SOAT1: variants seen among roughly 807,000 people sequenced by gnomAD.
The protein encoded by SOAT1 is sterol O-acyltransferase 1.
A neutral mutation model predicts 69.5 loss-of-function variants in SOAT1; 55 were observed. The ratio of observed to expected loss-of-function variants is 0.79; its 90% CI spans 0.64 to 0.99. The LOEUF (loss-of-function observed/expected upper bound fraction) is 0.99. Ranked by LOEUF, SOAT1 falls within the 50% of genes least tolerant of loss-of-function variation. The probability of loss-of-function intolerance (pLI) is 0.00; values close to 1 mark genes in which losing one functional copy is unlikely to be tolerated. For missense variants in SOAT1, 580 were observed against 669.3 expected (o/e 0.87, Z 1.47); for synonymous variants, 231 against 224.7 (o/e 1.03, Z -0.25).
chr1:179,301,373 C>A (rs569611747), intron 1 of SOAT1, among the ~76,000 whole-genome samples: 1 of 152,306 alleles, frequency 6.6e-6, no homozygotes, highest in South Asian at 2.1e-4. Context: ...TGACTCCTGT[C>A]CTCCTTTCTA....
At chr1:179,321,955 C>T (rs1379241999) in intron 2 of SOAT1, among the ~76,000 whole-genome samples, 1 of 151,662 alleles carries the variant, frequency 6.6e-6, no homozygotes, top group Non-Finnish European at 1.5e-5. Flanking sequence ...CGATCACGCT[C>T]ACTGCAGGCT....
intron 3 of SOAT1, among the ~76,000 whole-genome samples, chr1:179,327,345 T>A (rs1212906086): frequency 2.0e-5 from 3 of 152,234 alleles, no homozygotes; most frequent in Non-Finnish European, 4.4e-5. Context: ...CAGTCGTCAC[T>A]TCATCTTTCC....
chr1:179,356,658 T>G lies in SOAT1; in HGVS notation c.*3017T>G, dbSNP rs28429879. 6.6e-6 allele frequency: 1 copy of G among 151,738 alleles called. No homozygotes were observed. Among genetic ancestry groups the G allele is most frequent in the African/African-American group, 2.4e-5 (1 of 41,256 alleles). 9.4% of individuals were successfully genotyped at this position (151,738 alleles called of 1,614,324 possible). On this transcript the variant is annotated 3_prime_UTR_variant, in exon 16 of 16. Transcript: ENST00000367619. ...GTGTGAGCCACGGCTCCTGGCTCCT[T>G]GCTCCAGAATCAGTTTTTTAATGGA...
intron 1 of SOAT1, among the ~76,000 whole-genome samples, chr1:179,301,812 T>TA (rs1664839330): frequency 6.6e-6 from 1 of 152,206 alleles, no homozygotes; most frequent in South Asian, 2.1e-4. Context: ...ACGGGGCTTA[T>TA]AAGGTCCTTG....
chr1:179,323,576 G>A (rs1330212047), intron 3 of SOAT1, 81 bp downstream of exon 3: 1 of 1,130,876 alleles, frequency 8.8e-7, no homozygotes, highest in Non-Finnish European at 1.3e-6. Flanking sequence ...ATGCTAAATT[G>A]CTCAGATAAT....
At chr1:179,321,563 G>A (rs1665604226) in intron 2 of SOAT1, among the ~76,000 whole-genome samples, 1 of 152,172 alleles carries the variant, frequency 6.6e-6, no homozygotes, top group South Asian at 2.1e-4. Flanking sequence ...CAAGTCAGAA[G>A]TCTTTGTTGT....
At chr1:179,334,852 C>T (rs1001074654) in intron 3 of SOAT1, among the ~76,000 whole-genome samples, 8 of 151,482 alleles carry the variant, frequency 5.3e-5, no homozygotes, top group Non-Finnish European at 1.0e-4. Context: ...CCTGTCTCTA[C>T]GAAAAATACA....
At chr1:179,345,544 T>A (rs1222865254) in intron 11 of SOAT1, among the ~76,000 whole-genome samples, 8 of 151,986 alleles carry the variant, frequency 5.3e-5, no homozygotes, top group Admixed American at 5.3e-4. Flanking sequence ...CATTTTTAAA[T>A]CTCTCTTGTC....
intron 2 of SOAT1, among the ~76,000 whole-genome samples, chr1:179,318,403 C>CTTTTT (rs1665470577): frequency 6.6e-6 from 1 of 152,056 alleles, no homozygotes; most frequent in Non-Finnish European, 1.5e-5. Context: ...ACTGTCATAC[C>CTTTTT]TTTCAAATCC....
intron 11 of SOAT1, among the ~76,000 whole-genome samples, chr1:179,347,306 C>T (rs987847565): frequency 6.4e-5 from 9 of 140,442 alleles, no homozygotes; most frequent in Non-Finnish European, 1.0e-4. Context: ...TGCAGTGAGC[C>T]GAGATCGCGC....
intron 2 of SOAT1, among the ~76,000 whole-genome samples, chr1:179,310,818 G>T (rs1201285303): frequency 1.3e-5 from 2 of 152,178 alleles, no homozygotes; most frequent in African/African-American, 2.4e-5. Flanking sequence ...AGCTAATTCT[G>T]TTCTTGCCAC....
At chr1:179,350,477 A>G (rs1322209078) in intron 14 of SOAT1, 46 bp downstream of exon 14, 1 of 1,558,586 alleles carries the variant, frequency 6.4e-7, no homozygotes, top group Admixed American at 2.1e-5. Flanking sequence ...ATGCTAAAAA[A>G]GAAAACCAGA....
intron 2 of SOAT1, among the ~76,000 whole-genome samples, chr1:179,308,305 A>C (rs1164374645): frequency 6.6e-6 from 1 of 152,214 alleles, no homozygotes; most frequent in Non-Finnish European, 1.5e-5. Flanking sequence ...TTGCATATAC[A>C]GGCAGCCTAC....
At chr1:179,315,429 C>T (rs1283866472) in intron 2 of SOAT1, among the ~76,000 whole-genome samples, 1 of 151,628 alleles carries the variant, frequency 6.6e-6, no homozygotes, top group Non-Finnish European at 1.5e-5. Flanking sequence ...ATGCCATAGC[C>T]ACTGCCCCCT....
chr1:179,347,485 T>A, intron 11 of SOAT1, 115 bp from the exon 12 acceptor site: 1 of 621,818 alleles, frequency 1.6e-6, no homozygotes, highest in Admixed American at 3.1e-5. Flanking sequence ...TAAACTGGAA[T>A]AATAACTTAT....
At chr1:179,352,071 A>G (rs974760830) in intron 15 of SOAT1, among the ~76,000 whole-genome samples, 2 of 148,676 alleles carry the variant, frequency 1.3e-5, no homozygotes, top group African/African-American at 2.5e-5. Flanking sequence ...ACCACCTAAA[A>G]CATACCTTTT....
chr1:179,351,021 C>CTTTTTTT (rs201449849), intron 14 of SOAT1, among the ~76,000 whole-genome samples: 47 of 127,548 alleles, frequency 3.7e-4, no homozygotes, highest in Non-Finnish European at 6.0e-4. Flanking sequence ...ATATTTCTTT[C>CTTTTTTT]TTTTTTTTTT....
chr1:179,335,698 A>G, intron 4 of SOAT1, 41 bp downstream of exon 4: 1 of 1,539,644 alleles, frequency 6.5e-7, no homozygotes, highest in Non-Finnish European at 8.8e-7. Context: ...ACATCTACTC[A>G]GTATAGTTCA....
intron 13 of SOAT1, among the ~76,000 whole-genome samples, chr1:179,350,071 T>C (rs545487824): frequency 6.6e-6 from 1 of 152,220 alleles, no homozygotes. Flanking sequence ...ACATAAGTTA[T>C]TGATATTTTT....
Sources: gnomAD v4.1 joint callset for allele counts (sites outside exome capture counted in the v4.1 genomes callset) on GRCh38, gnomAD v4.1.1 for gene constraint, MANE v1.5 for transcripts, NCBI Gene and HGNC (gene_info 2026-07-23, HGNC 2026-07-21) for gene names.